Variants in SORCS2 observed in about 807,000 individuals in gnomAD.
SORCS2 encodes sortilin related VPS10 domain containing receptor 2.
Under a neutral mutation model 141.6 loss-of-function variants are expected in SORCS2, and 100 were observed. The observed-to-expected ratio is 0.71, with a 90% CI of 0.60 to 0.83. The LOEUF is 0.83. SORCS2 is among the 40% of genes least tolerant of loss of function. The pLI, the probability that SORCS2 is intolerant of heterozygous loss-of-function variation, is 0.00. For missense variants in SORCS2, 1,646 were observed against 1,560.2 expected, an observed-to-expected ratio of 1.05 and a Z score of -0.93; for synonymous variants, 789 against 676.9, an observed-to-expected ratio of 1.17 and a Z score of -2.57.
intron 1 of SORCS2, among the ~76,000 whole-genome samples, chr4:7,296,488 C>T (rs984242696): frequency 9.9e-5 from 15 of 152,182 alleles, no homozygotes; most frequent in Non-Finnish European, 2.2e-4. Context: ...GGTTGGGGCC[C>T]TCTGCGGGAC....
intron 1 of SORCS2, among the ~76,000 whole-genome samples, chr4:7,393,281 T>C (rs979509570): frequency 6.6e-6 from 1 of 152,168 alleles, no homozygotes; most frequent in Admixed American, 6.5e-5. Flanking sequence ...CGGAGCTGTG[T>C]GGCCCTGACT....
At chr4:7,603,180 GA>G (rs1462267699) in intron 3 of SORCS2, among the ~76,000 whole-genome samples, 2 of 148,424 alleles carry the variant, frequency 1.3e-5, no homozygotes, top group Admixed American at 6.6e-5. Flanking sequence ...CATGGAAAGA[GA>G]GGGGGAGGGG....
At chr4:7,628,484 A>C (rs1240650432) in intron 3 of SORCS2, among the ~76,000 whole-genome samples, 2 of 149,758 alleles carry the variant, frequency 1.3e-5, no homozygotes, top group South Asian at 2.1e-4. Flanking sequence ...GTGCCACTGC[A>C]CTCCAGCCTG....
intron 26 of SORCS2, among the ~76,000 whole-genome samples, chr4:7,739,775 T>C (rs970226475): frequency 6.6e-6 from 1 of 152,124 alleles, no homozygotes; most frequent in African/African-American, 2.4e-5. Flanking sequence ...GCTCACCCCT[T>C]GGCACTGACA....
At chr4:7,312,194 C>G (rs958737935) in intron 1 of SORCS2, among the ~76,000 whole-genome samples, 5 of 152,168 alleles carry the variant, frequency 3.3e-5, no homozygotes, top group African/African-American at 1.2e-4. Context: ...ATTCTCTTAA[C>G]GGTGGCTGCT....
chr4:7,683,798 A>G (rs988292939), intron 10 of SORCS2, among the ~76,000 whole-genome samples: 5 of 152,198 alleles, frequency 3.3e-5, no homozygotes, highest in South Asian at 2.1e-4. Context: ...CTACATGAAT[A>G]GAAGTATCGA....
At chr4:7,655,376 G>A (rs62290675) in intron 5 of SORCS2, among the ~76,000 whole-genome samples, 3,199 of 152,296 alleles carry the variant, frequency 0.021, 50 homozygotes, top group Non-Finnish European at 0.035. Context: ...AGGGGAGCCC[G>A]GGCTATCAGC....
intron 2 of SORCS2, among the ~76,000 whole-genome samples, chr4:7,402,164 A>G (rs1242599863): frequency 1.3e-5 from 2 of 152,172 alleles, no homozygotes; most frequent in Admixed American, 1.3e-4. Context: ...CCTGTAATCT[A>G]GCTGTCATCA....
At chr4:7,279,684 G>A (rs1017248779) in intron 1 of SORCS2, among the ~76,000 whole-genome samples, 1 of 152,214 alleles carries the variant, frequency 6.6e-6, no homozygotes, top group South Asian at 2.1e-4. Flanking sequence ...GTCCAGCCGC[G>A]GAATTACAGG....
At position 7,439,159 on chromosome 4, in the gene SORCS2, GAGGA is replaced by G. The variant is rs202180753; in HGVS notation, c.548+42821_548+42824del. On this transcript the variant is annotated intron_variant, in intron 2 of 26. Transcript: ENST00000507866. ...TACCTCTTCCTGACATGGGGTGAAA[GAGGA>G]AGGAAGGAAGGAAGGAGTTTGTATA... is the stretch of plus-strand genomic sequence containing the variant. Among the ~76,000 whole-genome samples, 11 of 151,748 alleles carry G rather than the reference GAGGA, an allele frequency of 7.2e-5. No individual in the cohort carries two copies. In the East Asian group the frequency reaches 1.2e-3, roughly 16 times the overall value.
At chr4:7,540,038 A>C (rs1381025904) in intron 3 of SORCS2, among the ~76,000 whole-genome samples, 4 of 72,856 alleles carry the variant, frequency 5.5e-5, no homozygotes, top group Non-Finnish European at 1.0e-4. Flanking sequence ...TCTGCTGTGG[A>C]GGCCCCACCC....
intron 2 of SORCS2, among the ~76,000 whole-genome samples, chr4:7,403,997 A>ATATATATTT (rs1265288820): frequency 7.9e-4 from 15 of 18,954 alleles, no homozygotes; most frequent in South Asian, 5.2e-3. Context: ...ATATATATAT[A>ATATATATTT]TTTTTTTTTT....
chr4:7,592,777 A>G (rs1480524201), intron 3 of SORCS2, among the ~76,000 whole-genome samples: 1 of 152,230 alleles, frequency 6.6e-6, no homozygotes, highest in Admixed American at 6.5e-5. Context: ...TAGCCTATGC[A>G]TTCTCAAATG....
intron 2 of SORCS2, among the ~76,000 whole-genome samples, chr4:7,479,258 A>G (rs998442518): frequency 6.6e-6 from 1 of 151,882 alleles, no homozygotes; most frequent in South Asian, 2.1e-4. Context: ...GTTGCTAACC[A>G]GGGAAGCTCA....
At chr4:7,584,981 A>G (rs565180457) in intron 3 of SORCS2, among the ~76,000 whole-genome samples, 7 of 152,136 alleles carry the variant, frequency 4.6e-5, no homozygotes, top group Non-Finnish European at 8.8e-5. Flanking sequence ...TCTTGTTGTG[A>G]TTCCCGGCGT....
chr4:7,328,810 C>G (rs1719455541), intron 1 of SORCS2, among the ~76,000 whole-genome samples: 1 of 152,248 alleles, frequency 6.6e-6, no homozygotes, highest in African/African-American at 2.4e-5. Flanking sequence ...CACTTGCTGG[C>G]AGAGTTGCCT....
chr4:7,695,428 A>G (rs1577083404), intron 11 of SORCS2, among the ~76,000 whole-genome samples: 1 of 55,418 alleles, frequency 1.8e-5, no homozygotes, highest in Non-Finnish European at 3.3e-5. Flanking sequence ...GGTTGGATGG[A>G]TGGATGGATT....
chr4:7,700,399 C>T (rs1426713596), intron 12 of SORCS2, among the ~76,000 whole-genome samples: 1 of 152,128 alleles, frequency 6.6e-6, no homozygotes, highest in Non-Finnish European at 1.5e-5. Context: ...CCTTGGGGGT[C>T]TCTCCCTAGG....
intron 3 of SORCS2, among the ~76,000 whole-genome samples, chr4:7,538,587 T>TCACACACACACA (rs34526550): frequency 3.5e-4 from 52 of 150,688 alleles, no homozygotes; most frequent in African/African-American, 9.8e-4. Context: ...AATATTAAAA[T>TCACACACACACA]CACACACACA....
Sources: allele counts gnomAD v4.1 joint callset (sites outside exome capture counted in the v4.1 genomes callset), GRCh38; gene constraint gnomAD v4.1.1; transcripts MANE v1.5; gene names NCBI Gene and HGNC (gene_info 2026-07-23, HGNC 2026-07-21).